FHIT: variants seen among roughly 807,000 people sequenced by gnomAD.
The protein encoded by FHIT is fragile histidine triad diadenosine triphosphatase.
Under a neutral mutation model 17.9 loss-of-function variants are expected in FHIT, and 19 were observed. The observed-to-expected ratio is 1.06, with a 90% CI of 0.74 to 1.56. The LOEUF is 1.56. Among genes scored for constraint, FHIT ranks in the 40% most tolerant of loss-of-function variants. The pLI, the probability that FHIT is intolerant of heterozygous loss-of-function variation, is 0.00. For missense variants in FHIT, 248 were observed against 189.2 expected (o/e 1.31, Z -1.82); for synonymous variants, 81 against 69.7 (o/e 1.16, Z -0.81).
At chr3:60,480,576 A>G (rs415353) in intron 5 of FHIT, among the ~76,000 whole-genome samples, 7,185 of 152,302 alleles carry the variant, frequency 0.047, 219 homozygotes, top group Middle Eastern at 0.11. Flanking sequence ...CATTGGGTAA[A>G]TGTTCCCATT....
chr3:60,299,390 A>C (rs1708352221), intron 5 of FHIT, among the ~76,000 whole-genome samples: 1 of 152,152 alleles, frequency 6.6e-6, no homozygotes, highest in African/African-American at 2.4e-5. Flanking sequence ...GGGGCAATAC[A>C]ACTTCAAAAA....
chr3:60,792,683 C>T (rs1700824079), intron 4 of FHIT, among the ~76,000 whole-genome samples: 1 of 152,182 alleles, frequency 6.6e-6, no homozygotes, highest in Admixed American at 6.5e-5. Flanking sequence ...GGCACCACTG[C>T]AATCTATGAG....
intron 5 of FHIT, among the ~76,000 whole-genome samples, chr3:60,414,263 G>GC (rs1559893960): frequency 6.6e-6 from 1 of 152,202 alleles, no homozygotes; most frequent in Non-Finnish European, 1.5e-5. Flanking sequence ...CAGATAACTT[G>GC]CATTTCTAGT....
intron 4 of FHIT, among the ~76,000 whole-genome samples, chr3:60,589,016 G>C (rs1283062949): frequency 6.6e-6 from 1 of 152,026 alleles, no homozygotes. Context: ...TCCTGAGAAA[G>C]ACTCCTCGTT....
intron 3 of FHIT, among the ~76,000 whole-genome samples, chr3:61,037,240 C>T (rs544836071): frequency 3.3e-5 from 5 of 152,232 alleles, no homozygotes; most frequent in African/African-American, 4.8e-5. Context: ...AAACTTTGAC[C>T]GCTTAGAAAA....
intron 3 of FHIT, among the ~76,000 whole-genome samples, chr3:60,948,998 C>G (rs149743113): frequency 1.3e-5 from 2 of 151,782 alleles, no homozygotes; most frequent in East Asian, 3.9e-4. Flanking sequence ...CCTTACTTTG[C>G]AACATTAAAA....
rs539985504 is a variant in FHIT at position 60,320,160 on chromosome 3, G to A, written c.103+216700C>T. Among the ~76,000 whole-genome samples, 29 of 152,246 alleles carry A rather than the reference G, an allele frequency of 1.9e-4. No homozygotes were observed. In the South Asian group the frequency reaches 5.8e-3, roughly 31 times the overall value. ...TCAGAGAAAACTATCCAAGTACGTT[G>A]ACACTCTTACGTTGTTTATGTATAA... On this transcript the variant is annotated intron_variant, in intron 5 of 9. Transcript: ENST00000492590.
chr3:59,864,081 G>C (rs1223303917), intron 8 of FHIT, among the ~76,000 whole-genome samples: 1 of 152,164 alleles, frequency 6.6e-6, no homozygotes, highest in Non-Finnish European at 1.5e-5. Flanking sequence ...CAAGATCGCA[G>C]ATGGCAGACA....
chr3:60,014,354 G>A (rs1700260104), intron 5 of FHIT, among the ~76,000 whole-genome samples: 1 of 152,220 alleles, frequency 6.6e-6, no homozygotes, highest in Non-Finnish European at 1.5e-5. Context: ...CACTTTGAAG[G>A]AGAAGCTGTG....
At chr3:60,472,635 C>A (rs2033147232) in intron 5 of FHIT, among the ~76,000 whole-genome samples, 1 of 152,182 alleles carries the variant, frequency 6.6e-6, no homozygotes, top group Non-Finnish European at 1.5e-5. Flanking sequence ...TCCCAAAGGG[C>A]TGGGATTACA....
chr3:60,690,447 C>T (rs1454360713), intron 4 of FHIT: 9 of 578,328 alleles, frequency 1.6e-5, no homozygotes, highest in Middle Eastern at 3.0e-4. Context: ...GACCTGTATG[C>T]TTCAGGATGA....
chr3:60,680,074 C>T (rs1376785570), intron 4 of FHIT, among the ~76,000 whole-genome samples: 2 of 152,252 alleles, frequency 1.3e-5, no homozygotes, highest in East Asian at 1.9e-4. Flanking sequence ...TGCACATTCC[C>T]CTTGGCATGT....
chr3:60,626,634 G>A lies in FHIT; in HGVS notation c.-17-89655C>T, dbSNP rs931912069. Among the ~76,000 whole-genome samples the A allele has an allele frequency of 3.3e-5, 5 of 152,052 alleles. No individual in the cohort carries two copies. The East Asian group carries it at 7.7e-4, about 24-fold the overall frequency. On this transcript the variant is annotated intron_variant, in intron 4 of 9. Transcript: ENST00000492590. The stretch of plus-strand genomic sequence containing the variant: ...TAAGATCTTCTATATATAAGATTAT[G>A]CCATTTATAATAAAGTTTTTCTTCT...
intron 2 of FHIT, among the ~76,000 whole-genome samples, chr3:61,188,303 C>A (rs1184270982): frequency 6.6e-6 from 1 of 152,188 alleles, no homozygotes; most frequent in Non-Finnish European, 1.5e-5. Context: ...ACTATAAACA[C>A]CTCTATGCAA....
intron 8 of FHIT, among the ~76,000 whole-genome samples, chr3:59,880,410 G>A (rs185972768): frequency 5.9e-5 from 9 of 152,166 alleles, no homozygotes; most frequent in East Asian, 5.8e-4. Flanking sequence ...CAGCTTCATC[G>A]ATAGCAGAAA....
chr3:59,796,396 G>T (rs1262347051), intron 8 of FHIT, among the ~76,000 whole-genome samples: 1 of 152,134 alleles, frequency 6.6e-6, no homozygotes, highest in Non-Finnish European at 1.5e-5. Flanking sequence ...TCCTTTGCCT[G>T]TGACACTCTG....
chr3:61,072,284 G>T (rs2034831629), intron 2 of FHIT, among the ~76,000 whole-genome samples: 1 of 152,150 alleles, frequency 6.6e-6, no homozygotes, highest in East Asian at 1.9e-4. Context: ...TATACCCAGG[G>T]ACAAGAGGCT....
At chr3:60,169,883 C>G (rs1334408098) in intron 5 of FHIT, among the ~76,000 whole-genome samples, 1 of 152,088 alleles carries the variant, frequency 6.6e-6, no homozygotes, top group Non-Finnish European at 1.5e-5. Context: ...GCAAAGCTAC[C>G]CTACAGCACT....
chr3:61,184,250 T>A (rs543914462), intron 2 of FHIT, among the ~76,000 whole-genome samples: 1 of 152,148 alleles, frequency 6.6e-6, no homozygotes, highest in Non-Finnish European at 1.5e-5. Flanking sequence ...TTACAGTTAT[T>A]CATTATGACT....
Sources: allele counts gnomAD v4.1 joint callset (sites outside exome capture counted in the v4.1 genomes callset), GRCh38; gene constraint gnomAD v4.1.1; transcripts MANE v1.5; gene names NCBI Gene and HGNC (gene_info 2026-07-23, HGNC 2026-07-21).